The following ADAM22 variants were observed in gnomAD, a reference collection of about 807,000 sequenced individuals.
ADAM22 encodes the protein disintegrin and metalloproteinase domain-containing protein 22.
ADAM22 carries 65 observed loss-of-function variants against 144.6 expected under a neutral mutation model. That is an observed-to-expected ratio of 0.45 (90% CI 0.37 to 0.55). The LOEUF (loss-of-function observed/expected upper bound fraction) is 0.55, where lower values mean the gene tolerates loss of function less well. Among genes scored for constraint, ADAM22 ranks in the 20% least tolerant of loss-of-function variants. ADAM22 has a pLI of 0.00. For missense variants in ADAM22, 974 were observed against 1,184.9 expected, an observed-to-expected ratio of 0.82 and a Z score of 2.61; for synonymous variants, 391 against 412.6, an observed-to-expected ratio of 0.95 and a Z score of 0.63.
At position 88,171,431 on chromosome 7, in the gene ADAM22, G is replaced by A. The variant is rs1335636676; in HGVS notation, c.2283-113G>A. ...ATTCTGTAATTCAGAATCCTCTAGT[G>A]AAGACTTTTCAATGAAAGCTAGAGC... On this transcript the variant is annotated intron_variant, in intron 25 of 31. Transcript: ENST00000413139. 16 of 924,940 alleles carry A rather than the reference G, an allele frequency of 1.7e-5. 1 individual carries two copies. The East Asian group carries it at 4.5e-4, about 26-fold the overall frequency. The allele number at this position is 924,940 out of a possible 1,614,324, so 57.3% of individuals were successfully genotyped here.
At chr7:88,149,457 C>A (rs1359002843) in intron 18 of ADAM22, among the ~76,000 whole-genome samples, 2 of 152,154 alleles carry the variant, frequency 1.3e-5, no homozygotes, top group African/African-American at 4.8e-5. Context: ...TGACTCTTAT[C>A]TATGATAGCT....
intron 7 of ADAM22, among the ~76,000 whole-genome samples, chr7:88,125,167 T>A (rs1830116851): frequency 6.6e-6 from 1 of 151,988 alleles, no homozygotes; most frequent in African/African-American, 2.4e-5. Flanking sequence ...CTCAAAACTT[T>A]GGTGTCCTAT....
intron 7 of ADAM22, among the ~76,000 whole-genome samples, chr7:88,120,619 A>C (rs1829055240): frequency 6.6e-6 from 1 of 152,186 alleles, no homozygotes; most frequent in Admixed American, 6.5e-5. Flanking sequence ...GCCACTAATC[A>C]GAATTTCTGT....
intron 4 of ADAM22, among the ~76,000 whole-genome samples, chr7:88,097,745 T>C (rs890582821): frequency 1.3e-5 from 2 of 152,128 alleles, no homozygotes; most frequent in Non-Finnish European, 1.5e-5. Context: ...TAGTCAGTTA[T>C]GTTTTTTCCT....
chr7:88,050,280 C>T (rs1318204340), intron 3 of ADAM22, among the ~76,000 whole-genome samples: 3 of 150,016 alleles, frequency 2.0e-5, no homozygotes, highest in African/African-American at 7.3e-5. Flanking sequence ...GTAGTCCCAG[C>T]TCCTCAGAAA....
In ADAM22 at chr7:87,987,954, C is replaced by T. The variant is rs112315528; in HGVS notation, c.323+9542C>T. On this transcript the variant is annotated intron_variant, in intron 3 of 31. Coordinates refer to ENST00000413139, the MANE Select transcript of ADAM22 (RefSeq NM_001324418.2). Reference sequence around the variant, plus strand: ...TTGTCCTGTGAGTGTTAACTATAACCATTCTCAGACAGGGACTGTAGCTAC... The same window carrying T: ...TTGTCCTGTGAGTGTTAACTATAACTATTCTCAGACAGGGACTGTAGCTAC... Among the ~76,000 whole-genome samples, 1,051 of 152,218 alleles carry T rather than the reference C, an allele frequency of 6.9e-3. 10 individuals carry two copies. Among genetic ancestry groups the T allele is most frequent in the African/African-American group, 0.024 (1,005 of 41,502 alleles).
chr7:88,196,169 C>A (rs1257283651), intron 31 of ADAM22, among the ~76,000 whole-genome samples: 4 of 152,120 alleles, frequency 2.6e-5, no homozygotes, highest in African/African-American at 7.2e-5. Flanking sequence ...ATTTTAAATT[C>A]TTTTATTTCA....
intron 2 of ADAM22, among the ~76,000 whole-genome samples, chr7:87,976,337 AG>A (rs1382732426): frequency 6.6e-6 from 1 of 152,222 alleles, no homozygotes; most frequent in Non-Finnish European, 1.5e-5. Flanking sequence ...TGAGGTCATA[AG>A]GGTGGGACCC....
intron 3 of ADAM22, among the ~76,000 whole-genome samples, chr7:88,024,387 T>G (rs776670652): frequency 5.9e-5 from 9 of 152,194 alleles, no homozygotes; most frequent in Non-Finnish European, 8.8e-5. Flanking sequence ...CCATTTTAAC[T>G]GGGGTGAGAT....
intron 3 of ADAM22, among the ~76,000 whole-genome samples, chr7:88,073,814 C>T (rs1017206675): frequency 4.6e-5 from 7 of 152,122 alleles, no homozygotes; most frequent in East Asian, 1.9e-4. Context: ...AGCAGTCGTC[C>T]CAAGCTAATA....
In ADAM22 at chr7:88,155,937, G is replaced by C; in HGVS notation, c.1838G>C (p.Arg613Thr). The C allele has an allele frequency of 6.2e-7, 1 of 1,613,376 alleles. No homozygotes were observed. The highest frequency in any genetic ancestry group is 8.5e-7 in the Non-Finnish European group (1 of 1,179,566). The change falls in exon 22 of 32, where the codon AGG (arginine) becomes ACG (threonine). Residue 613 changes from arginine (R) to threonine (T), a missense_variant. Physicochemically the swap from Arg to Thr is moderately conservative, Grantham distance 71. This residue lies in a region of ADAM22 where 734 missense variants were observed against 950.6 expected (regional missense o/e 0.77). Coordinates refer to ENST00000413139, the MANE Select transcript of ADAM22 (RefSeq NM_001324418.2). ...TGTACCAATATTGGCAATATCCCAA[G>C]GCTTGGAGAACTCGATGGTGAAATC... The part of the protein sequence containing the change: ...LLCTNIGNIP[R>T]LGELDGEITS...
chr7:88,097,487 C>G (rs1821703657), intron 4 of ADAM22, among the ~76,000 whole-genome samples: 1 of 151,780 alleles, frequency 6.6e-6, no homozygotes, highest in Non-Finnish European at 1.5e-5. Flanking sequence ...TTCTCTTTAT[C>G]CTTCCTTCTT....
At chr7:88,053,574 GGA>G (rs1807148495) in intron 3 of ADAM22, among the ~76,000 whole-genome samples, 1 of 133,718 alleles carries the variant, frequency 7.5e-6, no homozygotes. Context: ...GAAGGAAGGA[GGA>G]AAGGAAGGAA....
chr7:88,092,642 T>C (rs899689680), intron 4 of ADAM22, among the ~76,000 whole-genome samples: 7 of 152,206 alleles, frequency 4.6e-5, no homozygotes, highest in Non-Finnish European at 1.0e-4. Flanking sequence ...CTTTGCATTA[T>C]AGGAAAAAAA....
At chr7:88,050,373 G>A (rs755197840) in intron 3 of ADAM22, among the ~76,000 whole-genome samples, 5 of 151,286 alleles carry the variant, frequency 3.3e-5, no homozygotes, top group South Asian at 2.1e-4. Flanking sequence ...ACTCCAGCCC[G>A]GGTGTCAGAG....
chr7:87,951,194 T>G (rs571880520), intron 2 of ADAM22, among the ~76,000 whole-genome samples: 20 of 147,926 alleles, frequency 1.4e-4, no homozygotes, highest in Non-Finnish European at 2.5e-4. Context: ...TTTTGGTGTT[T>G]TAGACATGAA....
At chr7:88,170,302 A>T (rs1224332015) in intron 25 of ADAM22, among the ~76,000 whole-genome samples, 2 of 152,030 alleles carry the variant, frequency 1.3e-5, no homozygotes, top group African/African-American at 2.4e-5. Flanking sequence ...AGATATTTTA[A>T]TAGAGGAATT....
chr7:88,007,772 G>A (rs180881784), intron 3 of ADAM22, among the ~76,000 whole-genome samples: 4 of 152,218 alleles, frequency 2.6e-5, no homozygotes, highest in South Asian at 2.1e-4. Flanking sequence ...AGACTTAAAC[G>A]TTAGACCTAA....
At chr7:87,945,412 CT>C (rs1843449435) in intron 2 of ADAM22, among the ~76,000 whole-genome samples, 1 of 152,016 alleles carries the variant, frequency 6.6e-6, no homozygotes, top group East Asian at 1.9e-4. Flanking sequence ...TCCAGAAAAA[CT>C]TTAAGTAAGT....
Sources: gnomAD v4.1 joint callset for allele counts (sites outside exome capture counted in the v4.1 genomes callset) on GRCh38, gnomAD v4.1.1 for gene constraint, gnomAD v4.1.1 regional missense constraint, MANE v1.5 for transcripts, NCBI Gene and HGNC (gene_info 2026-07-23, HGNC 2026-07-21) for gene names.